The following CBARP variants were observed in gnomAD, a reference collection of about 807,000 sequenced individuals.
CBARP encodes the protein voltage-dependent calcium channel beta subunit-associated regulatory protein.
CBARP carries 24 observed loss-of-function variants against 36.3 expected under a neutral mutation model. That is an observed-to-expected ratio of 0.66 (90% CI 0.48 to 0.93). The LOEUF (loss-of-function observed/expected upper bound fraction) is 0.93, where lower values mean the gene tolerates loss of function less well. Among genes scored for constraint, CBARP ranks in the 40% least tolerant of loss-of-function variants. The pLI is 0.00. For synonymous variants in CBARP, 586 were observed against 453.2 expected (o/e 1.29, Z -3.72); for missense variants, 1,146 against 980.4 (o/e 1.17, Z -2.26).
chr19:1,231,071 C>T (rs773433082), intron 9 of CBARP, 30 bp downstream of exon 9: 3 of 1,587,018 alleles, frequency 1.9e-6, no homozygotes, highest in Middle Eastern at 1.7e-4. Flanking sequence ...CACAGGTCCA[C>T]CCCTAGCACC....
At chr19:1,236,180 G>T in intron 1 of CBARP, 59 bp from the exon 2 acceptor site, 2 of 1,363,264 alleles carry the variant, frequency 1.5e-6, no homozygotes, top group Non-Finnish European at 1.9e-6. Context: ...AGGAGCCACT[G>T]CAGACAAGCT....
chr19:1,235,609 A>G (rs1453926861), intron 3 of CBARP, 44 bp from the exon 4 acceptor site: 5 of 1,594,360 alleles, frequency 3.1e-6, no homozygotes, highest in African/African-American at 1.3e-5. Context: ...GAGGGCCCAG[A>G]TAGCCACAGT....
At chr19:1,230,407 A>T in intron 9 of CBARP, 5 of 987,870 alleles carry the variant, frequency 5.1e-6, no homozygotes, top group Non-Finnish European at 6.0e-6. Flanking sequence ...GGAAGCCCCC[A>T]GGAAAAGTCA....
intron 9 of CBARP, chr19:1,230,414 G>A (rs1474933602): frequency 8.1e-6 from 8 of 988,706 alleles, no homozygotes; most frequent in Non-Finnish European, 9.6e-6. Context: ...CCCAGGAAAA[G>A]TCAACATGCT....
chr19:1,236,691 T>C (rs1367680763), intron 1 of CBARP, among the ~76,000 whole-genome samples: 1 of 150,972 alleles, frequency 6.6e-6, no homozygotes, highest in African/African-American at 2.4e-5. Context: ...GAGGTGGAGG[T>C]CTCCCCGGTG....
At chr19:1,232,784 C>T (rs944281574) in intron 8 of CBARP, among the ~76,000 whole-genome samples, 7 of 152,270 alleles carry the variant, frequency 4.6e-5, no homozygotes, top group Non-Finnish European at 1.0e-4. Flanking sequence ...GCGCCTCTGA[C>T]TGCTTCCTCG....
At chr19:1,237,378 G>A (rs1336768420) in intron 1 of CBARP, among the ~76,000 whole-genome samples, 1 of 152,174 alleles carries the variant, frequency 6.6e-6, no homozygotes, top group African/African-American at 2.4e-5. Flanking sequence ...GATGGCAGGA[G>A]GCCGAGGGGA....
Position 1,231,159 on chromosome 19 carries a change from C to A in CBARP, c.1096G>T (p.Ala366Ser), listed in dbSNP as rs1003819494. Residue 366 changes from alanine to serine, a missense_variant, in exon 9 of 10, where the codon GCC becomes TCC. Coordinates refer to ENST00000650044, the MANE Select transcript of CBARP (RefSeq NM_001393918.1). The stretch of plus-strand genomic sequence containing the variant: ...GGGCGGGGGTGCGGGAAGGCCACGG[C>A]GTCGCCCGCCCGGGCAATGTACTGG... Reference protein sequence around the residue: ...FIQYIARAGDAVAFPHPRPFL... With the variant: ...FIQYIARAGDSVAFPHPRPFL... 1 of 1,600,506 alleles carries A rather than the reference C, an allele frequency of 6.2e-7. No individual in the cohort carries two copies.
chr19:1,235,209 G>A, intron 4 of CBARP, 64 bp from the exon 5 acceptor site: 1 of 1,405,036 alleles, frequency 7.1e-7, no homozygotes, highest in Non-Finnish European at 9.3e-7. Context: ...GGTCCCGGGA[G>A]GGCTGCTCCT....
intron 8 of CBARP, 41 bp from the exon 9 acceptor site, chr19:1,231,316 C>T (rs997986725): frequency 7.0e-6 from 11 of 1,574,924 alleles, no homozygotes; most frequent in East Asian, 2.2e-5. Flanking sequence ...CGGCATGTGC[C>T]TCCACCCGCT....
rs2080964525 is a variant in CBARP at position 1,235,916 on chromosome 19, T to C, written c.108A>G (p.Ala36=). ...SWDNATGRPT[A]EPDPILDNYV... ...AGTTGTCCAGGATGGGGTCTGGCTC[T>C]GCCTGCGGGTGTGCAGGGGGGGTCA... Residue 36 remains alanine (A), a splice_region_variant and synonymous_variant, in exon 3 of 10, where the codon GCA becomes GCG. Coordinates refer to ENST00000650044, the MANE Select transcript of CBARP (RefSeq NM_001393918.1). 2 of 1,610,728 alleles carry C rather than the reference T, an allele frequency of 1.2e-6. No individual in the cohort carries two copies. The highest frequency in any genetic ancestry group is 1.7e-4 in the Middle Eastern group (1 of 6,060).
Position 1,229,127 on chromosome 19 carries a change from C to T in CBARP, c.*52G>A, listed in dbSNP as rs1188500072. The T allele has an allele frequency of 2.6e-6, 2 of 774,466 alleles. No individual in the cohort carries two copies. Among genetic ancestry groups the T allele is most frequent in the South Asian group, 3.6e-5 (1 of 28,086 alleles). 48.0% of individuals were successfully genotyped at this position (774,466 alleles called of 1,614,324 possible). Reference sequence around the variant, plus strand: ...CCCCACGTCTCTCCCGCCGCCGAGGCCCCGTGCGGCGCCGGAGAAGCTGCC... The same window carrying T: ...CCCCACGTCTCTCCCGCCGCCGAGGTCCCGTGCGGCGCCGGAGAAGCTGCC... On this transcript the variant is annotated 3_prime_UTR_variant, in exon 10 of 10. Coordinates refer to ENST00000650044, the MANE Select transcript of CBARP (RefSeq NM_001393918.1). The surrounding 1 kb of genome is among the most constrained non-coding windows in gnomAD (Gnocchi z 5.1).
Position 1,237,886 on chromosome 19 carries a change from G to C in CBARP, c.-152C>G, listed in dbSNP as rs1357798560. 2.0e-5 allele frequency: 3 copies of C among 147,486 alleles called. No individual in the cohort carries two copies. The highest frequency in any genetic ancestry group is 2.0e-4 in the Admixed American group (3 of 14,846). 9.1% of individuals were successfully genotyped at this position (147,486 alleles called of 1,614,324 possible). On this transcript the variant is annotated 5_prime_UTR_variant, in exon 1 of 10. Coordinates refer to ENST00000650044, the MANE Select transcript of CBARP (RefSeq NM_001393918.1). ...TTTATGAATGGAGAGCGCGGCGCGGGGGAGGCCGGCGCGAGAGGAGGGGCC... is the reference window on the plus strand; with the variant it reads ...TTTATGAATGGAGAGCGCGGCGCGGCGGAGGCCGGCGCGAGAGGAGGGGCC...
intron 1 of CBARP, 98 bp from the exon 2 acceptor site, chr19:1,236,219 C>T (rs1228480642): frequency 3.0e-6 from 4 of 1,331,482 alleles, no homozygotes; most frequent in Non-Finnish European, 3.8e-6. Flanking sequence ...CAGGAGCCCA[C>T]ACAGGGGGCA....
Position 1,233,598 on chromosome 19 carries a change from G to GGCCCTGCTGCAGCCCCA in CBARP, c.806_807insTGGGGCTGCAGCAGGGC (p.Glu277LeufsTer116), listed in dbSNP as rs756120739. On this transcript the variant is annotated frameshift_variant, in exon 8 of 10. Transcript: ENST00000650044. LOFTEE classifies it high-confidence loss of function. The stretch of plus-strand genomic sequence containing the variant: ...CCTCCCCAGGCCCTGCTGCAGCCCC[G>GGCCCTGCTGCAGCCCCA]GGCCCTCCAGCCTTGGTGCTCCTGG... The GGCCCTGCTGCAGCCCCA allele has an allele frequency of 5.6e-6, 9 of 1,609,896 alleles. No individual in the cohort carries two copies. Among genetic ancestry groups the GGCCCTGCTGCAGCCCCA allele is most frequent in the Non-Finnish European group, 5.9e-6 (7 of 1,178,866 alleles).
chr19:1,230,279 T>A, intron 9 of CBARP, 137 bp from the exon 10 acceptor site: 1 of 991,496 alleles, frequency 1.0e-6, no homozygotes, highest in South Asian at 4.5e-5. Context: ...GTGAGAGCTT[T>A]AAAATGAGCC....
Position 1,233,689 on chromosome 19 carries a change from T to C in CBARP, c.769-53A>G, listed in dbSNP as rs1290712729. 2.0e-6 allele frequency: 3 copies of C among 1,522,712 alleles called. No homozygotes were observed. In the Admixed American group the frequency reaches 5.8e-5, roughly 29 times the overall value. The allele number at this position is 1,522,712 out of a possible 1,614,324, so 94.3% of individuals were successfully genotyped here. On this transcript the variant is annotated intron_variant, in intron 7 of 9. Transcript: ENST00000650044. ...GCTAAGACTTCTTCCTGGGCCCGTG[T>C]GCTGGCCCCAGGTGGCCGTAGGTCT...
chr19:1,229,849 G>A lies in CBARP; in HGVS notation c.1448C>T (p.Pro483Leu), dbSNP rs1348138492. The change falls in exon 10 of 10, where the codon CCC becomes CTC. Residue 483 changes from proline (P) to leucine (L), a missense_variant. Pro to Leu is a moderately conservative substitution (Grantham distance 98). Transcript: ENST00000650044. The surrounding 1 kb of genome is among the most constrained non-coding windows in gnomAD (Gnocchi z 5.1). The part of the protein sequence containing the change: ...SGGAAPAFPP[P>L]SPPAPRPKDG... ...CTTGGGCCGCGGCGCGGGCGGGGAG[G>A]GCGGCGGGAAGGCGGGCGCCGCGCC... is the stretch of plus-strand genomic sequence containing the variant. 2.6e-5 allele frequency: 26 copies of A among 986,708 alleles called. No homozygotes were observed. The highest frequency in any genetic ancestry group is 3.1e-5 in the Non-Finnish European group (26 of 831,760). 61.1% of individuals were successfully genotyped at this position (986,708 alleles called of 1,614,324 possible). A position where few individuals can be genotyped will look rare whatever the true frequency, so the allele number is the denominator to read the frequency against.
chr19:1,235,766 G>T lies in CBARP; in HGVS notation c.245+13C>A, dbSNP rs543513655. ...CACCATGCACCTGCCCAGCCGAGGT[G>T]GGGGCCTCGCACCTGTTGAGGCGCT... On this transcript the variant is annotated intron_variant, in intron 3 of 9. Transcript: ENST00000650044. 1.5e-5 allele frequency: 24 copies of T among 1,606,496 alleles called. 1 individual carries two copies. The East Asian group carries it at 4.9e-4, about 33-fold the overall frequency.
Sources: gnomAD v4.1 joint callset for allele counts (sites outside exome capture counted in the v4.1 genomes callset) on GRCh38, gnomAD v4.1.1 for gene constraint, Gnocchi (gnomAD v3.1) non-coding constraint, MANE v1.5 for transcripts, NCBI Gene and HGNC (gene_info 2026-07-23, HGNC 2026-07-21) for gene names.